FHIT: variants seen among roughly 807,000 people sequenced by gnomAD.
The protein encoded by FHIT is bis(5'-adenosyl)-triphosphatase.
A neutral mutation model predicts 17.9 loss-of-function variants in FHIT; 19 were observed. The ratio of observed to expected loss-of-function variants is 1.06; its 90% CI spans 0.74 to 1.56. FHIT has a LOEUF of 1.56. Among genes scored for constraint, FHIT ranks in the 40% most tolerant of loss-of-function variants. The pLI is 0.00. For missense variants in FHIT, 248 were observed against 189.2 expected (o/e 1.31, Z -1.82); for synonymous variants, 81 against 69.7 (o/e 1.16, Z -0.81).
intron 5 of FHIT, among the ~76,000 whole-genome samples, chr3:60,381,863 A>G (rs957583768): frequency 6.6e-6 from 1 of 152,140 alleles, no homozygotes; most frequent in Non-Finnish European, 1.5e-5. Context: ...CCCACAGTAA[A>G]CAATCCCAAA....
chr3:60,336,380 T>C (rs1471804036), intron 5 of FHIT, among the ~76,000 whole-genome samples: 1 of 152,236 alleles, frequency 6.6e-6, no homozygotes, highest in African/African-American at 2.4e-5. Flanking sequence ...TTAAAAGTAA[T>C]CAGTCTCTTG....
chr3:60,092,181 T>C (rs1361947912), intron 5 of FHIT, among the ~76,000 whole-genome samples: 1 of 152,204 alleles, frequency 6.6e-6, no homozygotes, highest in South Asian at 2.1e-4. Context: ...ATCTGTTAAA[T>C]GAATGAAAAT....
At chr3:60,959,559 G>C (rs1334082170) in intron 3 of FHIT, among the ~76,000 whole-genome samples, 1 of 152,182 alleles carries the variant, frequency 6.6e-6, no homozygotes, top group Non-Finnish European at 1.5e-5. Flanking sequence ...GCAGAGCAGT[G>C]ACAGGTGCCC....
chr3:61,174,648 C>T (rs558381779), intron 2 of FHIT, among the ~76,000 whole-genome samples: 23 of 152,364 alleles, frequency 1.5e-4, no homozygotes, highest in African/African-American at 5.5e-4. Context: ...CCAGGCCAAT[C>T]TGTGTCTTCA....
chr3:60,455,460 C>G (rs1166150400), intron 5 of FHIT, among the ~76,000 whole-genome samples: 2 of 152,070 alleles, frequency 1.3e-5, no homozygotes, highest in African/African-American at 4.8e-5. Context: ...TCAAAACCAA[C>G]CAAATGAACC....
intron 8 of FHIT, among the ~76,000 whole-genome samples, chr3:59,752,574 G>C (rs1395104793): frequency 6.6e-6 from 1 of 152,130 alleles, no homozygotes; most frequent in Admixed American, 6.6e-5. Context: ...ATAGGTCTGT[G>C]TCCTTGCCCA....
intron 3 of FHIT, among the ~76,000 whole-genome samples, chr3:60,943,666 A>G (rs1201984876): frequency 6.6e-6 from 1 of 152,186 alleles, no homozygotes; most frequent in Non-Finnish European, 1.5e-5. Context: ...GCTTCCTAAA[A>G]GTCAGTAATT....
intron 1 of FHIT, among the ~76,000 whole-genome samples, chr3:61,248,446 G>C (rs1198033532): frequency 6.6e-6 from 1 of 152,154 alleles, no homozygotes; most frequent in Non-Finnish European, 1.5e-5. Flanking sequence ...AGAGTTACCT[G>C]CCTTATTATC....
At chr3:60,448,227 C>A (rs1262291894) in intron 5 of FHIT, among the ~76,000 whole-genome samples, 1 of 152,058 alleles carries the variant, frequency 6.6e-6, no homozygotes, top group Non-Finnish European at 1.5e-5. Flanking sequence ...ATCAAATGCC[C>A]AGGCATTCAA....
intron 8 of FHIT, among the ~76,000 whole-genome samples, chr3:59,807,633 T>A (rs1400952504): frequency 6.6e-6 from 1 of 152,086 alleles, no homozygotes; most frequent in Non-Finnish European, 1.5e-5. Flanking sequence ...CAGCAGTATA[T>A]CCCAGCAGCA....
At chr3:61,010,536 C>T (rs1465494787) in intron 3 of FHIT, among the ~76,000 whole-genome samples, 1 of 152,148 alleles carries the variant, frequency 6.6e-6, no homozygotes, top group Admixed American at 6.5e-5. Context: ...CTGGGTTTAT[C>T]TGCTGCTTGG....
intron 5 of FHIT, among the ~76,000 whole-genome samples, chr3:60,133,605 C>T (rs1404139444): frequency 6.6e-6 from 1 of 151,992 alleles, no homozygotes; most frequent in African/African-American, 2.4e-5. Context: ...GAAGATTGTC[C>T]TGAGAGTGTG....
chr3:60,213,975 G>C (rs547203778), intron 5 of FHIT, among the ~76,000 whole-genome samples: 2 of 152,248 alleles, frequency 1.3e-5, no homozygotes, highest in South Asian at 4.1e-4. Context: ...GGTTCAGGTA[G>C]CCTACAGATC....
At chr3:60,028,621 C>A (rs1426630182) in intron 5 of FHIT, among the ~76,000 whole-genome samples, 2 of 151,984 alleles carry the variant, frequency 1.3e-5, no homozygotes, top group African/African-American at 4.8e-5. Flanking sequence ...CACAAGTGAC[C>A]AAAAACAAAA....
chr3:60,285,762 A>T (rs1204261998), intron 5 of FHIT, among the ~76,000 whole-genome samples: 4 of 152,224 alleles, frequency 2.6e-5, no homozygotes, highest in Admixed American at 6.5e-5. Flanking sequence ...TCTATTTTTT[A>T]AATTTTATTG....
chr3:59,966,043 A>G (rs184160028), intron 7 of FHIT, among the ~76,000 whole-genome samples: 1 of 152,324 alleles, frequency 6.6e-6, no homozygotes, highest in African/African-American at 2.4e-5. Context: ...CTAAGTAAAC[A>G]TGGCCACATG....
chr3:60,047,843 G>A (rs1021106701), intron 5 of FHIT, among the ~76,000 whole-genome samples: 1 of 152,162 alleles, frequency 6.6e-6, no homozygotes, highest in African/African-American at 2.4e-5. Flanking sequence ...TCTGACTTAG[G>A]GGTTCTGCTC....
intron 1 of FHIT, among the ~76,000 whole-genome samples, chr3:61,243,820 C>A (rs771741081): frequency 3.3e-5 from 5 of 152,174 alleles, no homozygotes; most frequent in Middle Eastern, 3.4e-3. Flanking sequence ...GCAAGAGATA[C>A]AAGGAGGGTA....
chr3:59,873,883 C>T (rs684753), intron 8 of FHIT, among the ~76,000 whole-genome samples: 2,299 of 152,074 alleles, frequency 0.015, 24 homozygotes, highest in South Asian at 0.021. Flanking sequence ...TTAAATCTCC[C>T]GAGACAGCAA....
Sources: allele counts gnomAD v4.1 joint callset (sites outside exome capture counted in the v4.1 genomes callset), GRCh38; gene constraint gnomAD v4.1.1; transcripts MANE v1.5; gene names NCBI Gene and HGNC (gene_info 2026-07-23, HGNC 2026-07-21).